The following ARIH1 variants were observed in gnomAD, a reference collection of about 807,000 sequenced individuals.
ARIH1 encodes the protein ariadne RBR E3 ubiquitin protein ligase 1.
A neutral mutation model predicts 85.0 loss-of-function variants in ARIH1; 8 were observed. The observed-to-expected ratio is 0.09, with a 90% CI of 0.06 to 0.17. The LOEUF is 0.17. ARIH1 is among the 10% of genes least tolerant of loss of function. ARIH1 has a pLI of 1.00. For missense variants in ARIH1, 311 were observed against 718.1 expected, an observed-to-expected ratio of 0.43 and a Z score of 6.48; for synonymous variants, 238 against 253.6, an observed-to-expected ratio of 0.94 and a Z score of 0.59.
chr15:72,540,991 G>A (rs148614242), intron 2 of ARIH1, among the ~76,000 whole-genome samples: 39 of 152,256 alleles, frequency 2.6e-4, no homozygotes, highest in South Asian at 1.2e-3. Context: ...AAAGTCCAGC[G>A]GAGTCAAAGG....
intron 1 of ARIH1, chr15:72,475,289 T>G (rs2063790145): frequency 1.9e-6 from 1 of 521,704 alleles, no homozygotes; most frequent in Non-Finnish European, 3.0e-6. Flanking sequence ...TGCGGGCAAT[T>G]TCTGCCAGTC....
At chr15:72,483,814 T>TTA (rs1555483741) in intron 1 of ARIH1, among the ~76,000 whole-genome samples, 1 of 151,472 alleles carries the variant, frequency 6.6e-6, no homozygotes, top group Non-Finnish European at 1.5e-5. Context: ...TTTTTTTTTT[T>TTA]AACTCTAGCT....
At chr15:72,520,842 T>G (rs1300187983) in intron 2 of ARIH1, among the ~76,000 whole-genome samples, 1 of 152,122 alleles carries the variant, frequency 6.6e-6, no homozygotes, top group Non-Finnish European at 1.5e-5. Flanking sequence ...TGTTTGAATT[T>G]TTTTTTTTCT....
At chr15:72,519,553 G>A (rs1222944803) in intron 2 of ARIH1, among the ~76,000 whole-genome samples, 1 of 137,284 alleles carries the variant, frequency 7.3e-6, no homozygotes, top group Admixed American at 8.0e-5. Flanking sequence ...GCGTGACCTC[G>A]GCTCACTGCA....
intron 2 of ARIH1, among the ~76,000 whole-genome samples, chr15:72,538,772 C>A (rs2064093989): frequency 6.6e-6 from 1 of 152,218 alleles, no homozygotes; most frequent in Non-Finnish European, 1.5e-5. Flanking sequence ...GGTTGCTCAG[C>A]TGTATTTCTG....
intron 2 of ARIH1, among the ~76,000 whole-genome samples, chr15:72,540,301 A>G (rs1432367854): frequency 1.3e-5 from 2 of 151,782 alleles, no homozygotes; most frequent in African/African-American, 2.4e-5. Flanking sequence ...AAAATTATAT[A>G]AAACTGTAAT....
intron 1 of ARIH1, among the ~76,000 whole-genome samples, chr15:72,511,839 T>TA (rs1450637547): frequency 6.6e-6 from 1 of 152,190 alleles, no homozygotes; most frequent in Non-Finnish European, 1.5e-5. Context: ...GTGCCTCTTC[T>TA]AGGCACTTCT....
intron 3 of ARIH1, among the ~76,000 whole-genome samples, chr15:72,547,724 T>C (rs548812547): frequency 1.3e-5 from 2 of 152,368 alleles, no homozygotes; most frequent in East Asian, 3.9e-4. Context: ...CAGTTGACAT[T>C]TATATAGTGC....
At chr15:72,498,672 C>T (rs947973491) in intron 1 of ARIH1, among the ~76,000 whole-genome samples, 2 of 151,876 alleles carry the variant, frequency 1.3e-5, no homozygotes, top group African/African-American at 2.4e-5. Context: ...GGCGAAACCC[C>T]GTCTCTACTA....
At chr15:72,519,133 A>G (rs2063987670) in intron 2 of ARIH1, among the ~76,000 whole-genome samples, 1 of 152,112 alleles carries the variant, frequency 6.6e-6, no homozygotes, top group Non-Finnish European at 1.5e-5. Flanking sequence ...TGTTTATTTC[A>G]TTATCAATTC....
chr15:72,513,676 T>C (rs1387926397), intron 1 of ARIH1, among the ~76,000 whole-genome samples: 2 of 140,156 alleles, frequency 1.4e-5, no homozygotes, highest in African/African-American at 2.7e-5. Flanking sequence ...TCAATCTCTC[T>C]CTCTCCCTCT....
chr15:72,497,246 A>T (rs529834219), intron 1 of ARIH1, among the ~76,000 whole-genome samples: 5 of 152,316 alleles, frequency 3.3e-5, no homozygotes, highest in African/African-American at 1.2e-4. Context: ...GAGAAGATAG[A>T]TTGAGCTATG....
At chr15:72,550,289 A>G (rs1262980283) in intron 3 of ARIH1, among the ~76,000 whole-genome samples, 2 of 152,240 alleles carry the variant, frequency 1.3e-5, no homozygotes, top group Admixed American at 6.5e-5. Flanking sequence ...CTATCTTTTT[A>G]TCTTAAAATG....
chr15:72,517,588 C>G (rs773443372), intron 1 of ARIH1, among the ~76,000 whole-genome samples: 4 of 151,816 alleles, frequency 2.6e-5, no homozygotes, highest in Non-Finnish European at 5.9e-5. Flanking sequence ...CTACACCTGG[C>G]TAATTTTTGT....
At chr15:72,536,456 T>C (rs2064082378) in intron 2 of ARIH1, among the ~76,000 whole-genome samples, 1 of 152,194 alleles carries the variant, frequency 6.6e-6, no homozygotes, top group Non-Finnish European at 1.5e-5. Context: ...TTAAAACTCA[T>C]GAGAAACAAT....
intron 11 of ARIH1, among the ~76,000 whole-genome samples, chr15:72,579,903 A>G (rs2064288425): frequency 6.6e-6 from 1 of 152,210 alleles, no homozygotes; most frequent in African/African-American, 2.4e-5. Context: ...ATTAAATCAA[A>G]CTAATTGTTG....
At chr15:72,536,912 T>A (rs1405479964) in intron 2 of ARIH1, among the ~76,000 whole-genome samples, 1 of 152,158 alleles carries the variant, frequency 6.6e-6, no homozygotes, top group African/African-American at 2.4e-5. Flanking sequence ...TTAAAAAAAA[T>A]TAGGCTAATA....
rs963984196 is a variant in ARIH1 at position 72,492,466 on chromosome 15, C to T, written c.375+17452C>T. ...TCTCAGGTGAGCTTATTACTAATGC[C>T]GTTTAACTTCAAATGTGAGAAAATA... On this transcript the variant is annotated intron_variant, in intron 1 of 13. Transcript: ENST00000379887. 3.3e-5 allele frequency among the ~76,000 whole-genome samples: 5 copies of T among 152,156 alleles called. No individual in the cohort carries two copies. In the East Asian group the frequency reaches 5.8e-4, roughly 18 times the overall value.
chr15:72,580,597 T>C (rs1595875537), intron 11 of ARIH1, 134 bp from the exon 12 acceptor site: 5 of 814,416 alleles, frequency 6.1e-6, no homozygotes, highest in East Asian at 5.4e-5. Flanking sequence ...CCAAGACTTA[T>C]CTTTCATCTT....
Sources: allele counts gnomAD v4.1 joint callset (sites outside exome capture counted in the v4.1 genomes callset), GRCh38; gene constraint gnomAD v4.1.1; transcripts MANE v1.5; gene names NCBI Gene and HGNC (gene_info 2026-07-23, HGNC 2026-07-21).